UPF3A: variants seen among roughly 807,000 people sequenced by gnomAD.
UPF3A encodes UPF3A regulator of nonsense mediated mRNA decay.
Under a neutral mutation model 53.5 loss-of-function variants are expected in UPF3A, and 42 were observed. The ratio of observed to expected loss-of-function variants is 0.78; its 90% CI spans 0.61 to 1.01. The LOEUF (loss-of-function observed/expected upper bound fraction) is 1.01, where lower values mean the gene tolerates loss of function less well. Among genes scored for constraint, UPF3A ranks in the 50% least tolerant of loss-of-function variants. The pLI, the probability that UPF3A is intolerant of heterozygous loss-of-function variation, is 0.00. For missense variants in UPF3A, 575 were observed against 598.0 expected, an observed-to-expected ratio of 0.96 and a Z score of 0.40; for synonymous variants, 237 against 225.3, an observed-to-expected ratio of 1.05 and a Z score of -0.47.
At chr13:114,293,707 T>A (rs57988340) in intron 7 of UPF3A, among the ~76,000 whole-genome samples, 3,536 of 152,268 alleles carry the variant, frequency 0.023, 145 homozygotes, top group African/African-American at 0.081. Context: ...TATTCAATAA[T>A]ATTGTACAAT....
rs200586196 is a variant in UPF3A, at chr13:114,304,849, G to A, written c.1363G>A (p.Gly455Arg). The change falls in exon 10 of 10, where the codon GGA becomes AGA. Residue 455 changes from glycine (G) to arginine (R), a missense_variant. This residue lies in a region of UPF3A where 323 missense variants were observed against 415.2 expected (regional missense o/e 0.78). Coordinates refer to ENST00000375299, the MANE Select transcript of UPF3A (RefSeq NM_023011.4). ...TCGCTTCCGAGCGCGAGAGTGTGGC[G>A]GAAACAGGAGGATCTGCAAGGCAGA... Reference protein sequence around the residue: ...GARFRARECGGNRRICKAEGS... With the variant: ...GARFRARECGRNRRICKAEGS... 83 of 1,613,704 alleles carry A rather than the reference G, an allele frequency of 5.1e-5. No homozygotes were observed. The highest frequency in any genetic ancestry group is 6.7e-5 in the East Asian group (3 of 44,882).
chr13:114,302,254 A>G (rs139622489), intron 9 of UPF3A, among the ~76,000 whole-genome samples: 24 of 152,352 alleles, frequency 1.6e-4, no homozygotes, highest in African/African-American at 5.1e-4. Context: ...TATTTAGTAT[A>G]AAACTAGCAC....
chr13:114,283,173 G>A lies in UPF3A; in HGVS notation c.421+230G>A, dbSNP rs775606953. ...AGGGACCACAGGCGTGTGCCACCAT[G>A]ATCGGCTGATTTAAAAAAAAAATTG... On this transcript the variant is annotated intron_variant, in intron 3 of 9. Coordinates refer to ENST00000375299, the MANE Select transcript of UPF3A (RefSeq NM_023011.4). The A allele has an allele frequency of 7.7e-4, 279 of 362,712 alleles. 1 individual carries two copies. Among genetic ancestry groups the A allele is most frequent in the Non-Finnish European group, 1.2e-3 (243 of 199,576 alleles). 22.5% of individuals were successfully genotyped at this position (362,712 alleles called of 1,614,324 possible). A position where few individuals can be genotyped will look rare whatever the true frequency, so the allele number is the denominator to read the frequency against.
chr13:114,292,659 G>A (rs901259464), intron 7 of UPF3A, among the ~76,000 whole-genome samples: 2 of 151,630 alleles, frequency 1.3e-5, no homozygotes, highest in South Asian at 2.1e-4. Flanking sequence ...GGCTCAAGGC[G>A]TACACGTGCA....
At chr13:114,300,530 G>A (rs1334562135) in intron 8 of UPF3A, among the ~76,000 whole-genome samples, 2 of 144,496 alleles carry the variant, frequency 1.4e-5, no homozygotes, top group African/African-American at 5.5e-5. Flanking sequence ...CACCATGCCT[G>A]GCTAATTTTT....
chr13:114,283,035 T>A, intron 3 of UPF3A, 92 bp downstream of exon 3: 1 of 1,030,366 alleles, frequency 9.7e-7, no homozygotes, highest in Non-Finnish European at 1.4e-6. Flanking sequence ...ATTATTATTA[T>A]TTTTTGAGAC....
intron 3 of UPF3A, among the ~76,000 whole-genome samples, chr13:114,284,529 T>C (rs111751887): frequency 0.14 from 20,033 of 147,112 alleles, 1,817 homozygotes; most frequent in Non-Finnish European, 0.21. Context: ...AAACCCTGTC[T>C]CTACTAAAAA....
At chr13:114,291,291 C>G (rs1177233619) in intron 5 of UPF3A, among the ~76,000 whole-genome samples, 198 bp from the exon 6 acceptor site, 1 of 152,100 alleles carries the variant, frequency 6.6e-6, no homozygotes, top group Non-Finnish European at 1.5e-5. Flanking sequence ...TAGATGTCTA[C>G]TATGTATGAA....
chr13:114,290,762 T>G (rs1038892213), intron 5 of UPF3A, among the ~76,000 whole-genome samples: 1 of 150,874 alleles, frequency 6.6e-6, no homozygotes, highest in African/African-American at 2.4e-5. Context: ...AGGCAGAGTT[T>G]CGCTGTTGTT....
At chr13:114,292,406 C>T (rs1478340794) in intron 7 of UPF3A, among the ~76,000 whole-genome samples, 5 of 145,456 alleles carry the variant, frequency 3.4e-5, no homozygotes, top group African/African-American at 1.0e-4. Context: ...AAGGCTTACA[C>T]GTGCAGGTGT....
At position 114,304,799 on chromosome 13, in the gene UPF3A, C is replaced by A. The variant is rs1481104736; in HGVS notation, c.1313C>A (p.Ala438Asp). Residue 438 changes from alanine to aspartate, a missense_variant, in exon 10 of 10, where the codon GCC (alanine) becomes GAC (aspartate). Around this residue, in one of 2 missense-constraint regions of UPF3A, gnomAD observed 323 missense variants for 415.2 expected, o/e 0.78. Coordinates refer to ENST00000375299, the MANE Select transcript of UPF3A (RefSeq NM_023011.4). ...CTCTTATCCTGGCAGGACCGGCCAGCCTTGCAGCTGTATGATCCAGGAGCT... is the reference window on the plus strand; with the variant it reads ...CTCTTATCCTGGCAGGACCGGCCAGACTTGCAGCTGTATGATCCAGGAGCT... ...KERLANKDRPALQLYDPGARF... is the reference protein window; with the variant it reads ...KERLANKDRPDLQLYDPGARF... 4 of 1,613,692 alleles carry A rather than the reference C, an allele frequency of 2.5e-6. No individual in the cohort carries two copies. The East Asian group carries it at 6.7e-5, about 27-fold the overall frequency.
At chr13:114,281,887 G>A (rs781548914) in intron 1 of UPF3A, 41 bp downstream of exon 1, 2 of 1,438,574 alleles carry the variant, frequency 1.4e-6, no homozygotes, top group Non-Finnish European at 1.9e-6. Context: ...GCGAGGAGAG[G>A]ACGGCCCTGA....
chr13:114,302,355 A>G (rs1448468851), intron 9 of UPF3A, among the ~76,000 whole-genome samples: 2 of 152,242 alleles, frequency 1.3e-5, no homozygotes, highest in Non-Finnish European at 2.9e-5. Flanking sequence ...GGTTTCTTCC[A>G]CATTATTAAC....
intron 7 of UPF3A, among the ~76,000 whole-genome samples, chr13:114,292,987 G>C (rs1249413940): frequency 1.4e-5 from 2 of 140,980 alleles, no homozygotes; most frequent in Non-Finnish European, 1.5e-5. Flanking sequence ...CAGGAGAATC[G>C]CTTGAACCCA....
chr13:114,302,078 C>T, intron 9 of UPF3A, 53 bp downstream of exon 9: 2 of 1,446,432 alleles, frequency 1.4e-6, no homozygotes, highest in Middle Eastern at 1.8e-4. Flanking sequence ...AAGGTCCAGG[C>T]TGCATGCTGA....
intron 7 of UPF3A, among the ~76,000 whole-genome samples, chr13:114,295,027 G>A (rs1182804424): frequency 6.6e-6 from 1 of 150,698 alleles, no homozygotes; most frequent in South Asian, 2.1e-4. Flanking sequence ...CAGGAGAATG[G>A]CATGAACCCG....
rs745825993 is a variant in UPF3A at position 114,298,999 on chromosome 13, A to T, written c.1006A>T (p.Thr336Ser). The change falls in exon 8 of 10, where the codon ACG (threonine) becomes TCG (serine). Residue 336 changes from threonine (T) to serine (S), a missense_variant and splice_region_variant. This residue lies in a region of UPF3A where 323 missense variants were observed against 415.2 expected (regional missense o/e 0.78). Transcript: ENST00000375299. ...MEGSLEEPQE[T>S]SHSGSDKEHR... ...AGGCTCGCTGGAGGAGCCCCAGGAG[A>T]CGTGAGCGTGCTTTCATTGTTATGA... The T allele has an allele frequency of 4.4e-6, 7 of 1,594,274 alleles. No individual in the cohort carries two copies. The Admixed American group carries it at 7.4e-5, about 17-fold the overall frequency.
chr13:114,295,632 C>T (rs371090709), intron 7 of UPF3A, among the ~76,000 whole-genome samples: 4 of 152,232 alleles, frequency 2.6e-5, no homozygotes, highest in Admixed American at 6.5e-5. Context: ...CATGTCTGTT[C>T]GTAGCTTTTG....
At chr13:114,292,508 A>G (rs1245219165) in intron 7 of UPF3A, among the ~76,000 whole-genome samples, 40 of 127,326 alleles carry the variant, frequency 3.1e-4, no homozygotes, top group Non-Finnish European at 6.1e-4. Flanking sequence ...GGTGTGCCAC[A>G]TGTTTATTTT....
Sources: allele counts gnomAD v4.1 joint callset (sites outside exome capture counted in the v4.1 genomes callset), GRCh38; gene constraint gnomAD v4.1.1; regional missense constraint gnomAD v4.1.1; transcripts MANE v1.5; gene names NCBI Gene and HGNC (gene_info 2026-07-23, HGNC 2026-07-21).